The following NFKB1 variants were observed in gnomAD, a reference collection of about 807,000 sequenced individuals.
NFKB1 encodes nuclear factor NF-kappa-B p105 subunit.
NFKB1 carries 9 observed loss-of-function variants against 105.1 expected under a neutral mutation model. The observed-to-expected ratio is 0.09, with a 90% confidence interval of 0.05 to 0.15. NFKB1 has a LOEUF of 0.15. NFKB1 is among the 10% of genes least tolerant of loss of function. NFKB1 has a pLI of 1.00. For synonymous variants in NFKB1, 440 were observed against 442.2 expected, an observed-to-expected ratio of 1.00 and a Z score of 0.06; for missense variants, 830 against 1,203.7, an observed-to-expected ratio of 0.69 and a Z score of 4.59.
At chr4:102,539,673 C>A (rs943452455) in intron 5 of NFKB1, among the ~76,000 whole-genome samples, 2 of 152,148 alleles carry the variant, frequency 1.3e-5, no homozygotes, top group African/African-American at 4.8e-5. Context: ...AACATTATCT[C>A]TTTTAATCTC....
intron 4 of NFKB1, among the ~76,000 whole-genome samples, chr4:102,535,144 C>T (rs540337728): frequency 6.6e-6 from 1 of 152,282 alleles, no homozygotes; most frequent in African/African-American, 2.4e-5. Context: ...AGAAGGTCAT[C>T]AATTCCCAGT....
chr4:102,606,423 C>T, intron 16 of NFKB1, 73 bp from the exon 17 acceptor site: 1 of 1,432,986 alleles, frequency 7.0e-7, no homozygotes. Flanking sequence ...ATTGCAGTAA[C>T]AGCTACCAAG....
At chr4:102,593,083 C>T (rs1264594505) in intron 11 of NFKB1, among the ~76,000 whole-genome samples, 2 of 151,996 alleles carry the variant, frequency 1.3e-5, no homozygotes, top group Admixed American at 6.6e-5. Context: ...TTTGTGTGAC[C>T]AAGCAAAAGG....
At chr4:102,602,948 C>T (rs1002120337) in intron 16 of NFKB1, among the ~76,000 whole-genome samples, 32 of 152,264 alleles carry the variant, frequency 2.1e-4, no homozygotes, top group African/African-American at 6.7e-4. Context: ...TGAATAAAAC[C>T]AGGAATGGGA....
intron 8 of NFKB1, among the ~76,000 whole-genome samples, chr4:102,580,252 C>G (rs1354597201): frequency 1.3e-5 from 2 of 152,182 alleles, no homozygotes; most frequent in East Asian, 3.8e-4. Context: ...CCCAATACAT[C>G]AGAAAAGCTC....
intron 1 of NFKB1, among the ~76,000 whole-genome samples, chr4:102,515,772 A>C (rs1032074367): frequency 6.6e-6 from 1 of 152,126 alleles, no homozygotes; most frequent in Non-Finnish European, 1.5e-5. Context: ...TGAACAGTCA[A>C]TCGTCTGTTT....
intron 1 of NFKB1, among the ~76,000 whole-genome samples, chr4:102,512,751 G>A (rs189754685): frequency 8.8e-4 from 134 of 152,280 alleles, no homozygotes; most frequent in African/African-American, 3.1e-3. Context: ...ATGTGTAATC[G>A]GAAGGCCTTC....
At chr4:102,597,411 T>C (rs767460969) in intron 14 of NFKB1, 109 bp from the exon 15 acceptor site, 36 of 1,130,722 alleles carry the variant, frequency 3.2e-5, no homozygotes, top group Non-Finnish European at 4.3e-5. Context: ...ACTAAAATGA[T>C]ATGTCAAGGT....
chr4:102,568,199 T>G (rs1246011709), intron 6 of NFKB1, among the ~76,000 whole-genome samples: 1 of 152,166 alleles, frequency 6.6e-6, no homozygotes, highest in Non-Finnish European at 1.5e-5. Context: ...TAGGTATTTC[T>G]TTGTTTGACT....
At chr4:102,514,482 C>A (rs1182616103) in intron 1 of NFKB1, among the ~76,000 whole-genome samples, 2 of 152,080 alleles carry the variant, frequency 1.3e-5, no homozygotes, top group Non-Finnish European at 2.9e-5. Context: ...GCATTCCTCC[C>A]CTCTAGAGGA....
chr4:102,540,535 C>T (rs927553608), intron 5 of NFKB1, among the ~76,000 whole-genome samples: 2 of 149,240 alleles, frequency 1.3e-5, no homozygotes, highest in Admixed American at 1.3e-4. Flanking sequence ...TTCACCAAAT[C>T]ATTTATTTTT....
chr4:102,587,689 T>C (rs920034356), intron 11 of NFKB1, among the ~76,000 whole-genome samples: 1 of 152,116 alleles, frequency 6.6e-6, no homozygotes, highest in Non-Finnish European at 1.5e-5. Context: ...ATACAAAGTT[T>C]AAGAACTGTC....
intron 1 of NFKB1, among the ~76,000 whole-genome samples, chr4:102,519,792 G>A (rs182543696): frequency 6.6e-6 from 1 of 152,278 alleles, no homozygotes; most frequent in Non-Finnish European, 1.5e-5. Context: ...ATGAACCTGA[G>A]CAAATGACTT....
At position 102,606,458 on chromosome 4, in the gene NFKB1, C is replaced by T. The variant is rs759896214; in HGVS notation, c.1753-38C>T. The T allele has an allele frequency of 8.1e-6, 13 of 1,600,700 alleles. No individual in the cohort carries two copies. The African/African-American group carries it at 1.7e-4, about 21-fold the overall frequency. ...GCTGTGAGTTGTAAGTAAGTATTCA[C>T]TGCTGACCAGTGAATCTCCTGCCCT... On this transcript the variant is annotated intron_variant, in intron 16 of 23. Transcript: ENST00000226574.
At chr4:102,596,438 T>C (rs2149206877) in intron 14 of NFKB1, 106 bp downstream of exon 14, 2 of 874,876 alleles carry the variant, frequency 2.3e-6, no homozygotes, top group East Asian at 5.6e-5. Flanking sequence ...ATATCTAGTT[T>C]AGTGTACTCT....
At chr4:102,558,744 G>A (rs1723177568) in intron 5 of NFKB1, among the ~76,000 whole-genome samples, 1 of 152,002 alleles carries the variant, frequency 6.6e-6, no homozygotes, top group Admixed American at 6.6e-5. Flanking sequence ...TTGAACTTCT[G>A]GGCTCAAAGG....
intron 4 of NFKB1, among the ~76,000 whole-genome samples, chr4:102,535,988 C>T (rs1009481995): frequency 6.6e-6 from 1 of 151,628 alleles, no homozygotes; most frequent in African/African-American, 2.4e-5. Flanking sequence ...TGAGTCATAG[C>T]ATAGACTACT....
In NFKB1 at chr4:102,613,408, T is replaced by C. The variant is rs772942135; in HGVS notation, c.2593-17T>C. On this transcript the variant is annotated splice_polypyrimidine_tract_variant and intron_variant, in intron 22 of 23. Transcript: ENST00000226574. Reference sequence around the variant, plus strand: ...TCGAACACAAGAACATGCTCCTCCTTCCTTTCTTTCTCACAGGTCTCTGGG... The same window carrying C: ...TCGAACACAAGAACATGCTCCTCCTCCCTTTCTTTCTCACAGGTCTCTGGG... The C allele has an allele frequency of 1.2e-6, 2 of 1,612,036 alleles. No individual in the cohort carries two copies. Among genetic ancestry groups the C allele is most frequent in the South Asian group, 1.1e-5 (1 of 90,966 alleles).
At position 102,612,504 on chromosome 4, in the gene NFKB1, C is replaced by A. The variant is rs755773662; in HGVS notation, c.2490C>A (p.Asp830Glu). Residue 830 changes from aspartate to glutamate, a missense_variant, in exon 22 of 24, where the codon GAC (aspartate) becomes GAA (glutamate). Asp to Glu is a conservative substitution (Grantham distance 45, BLOSUM62 2). Transcript: ENST00000226574. ...AGTTACTAGAAATTCCTGATCCAGACAAAAACTGGGCTACTCTGGCGCAGA... is the reference window on the plus strand; with the variant it reads ...AGTTACTAGAAATTCCTGATCCAGAAAAAAACTGGGCTACTCTGGCGCAGA... Reference protein sequence around the residue: ...LYKLLEIPDPDKNWATLAQKL... With the variant: ...LYKLLEIPDPEKNWATLAQKL... 7 of 1,613,962 alleles carry A rather than the reference C, an allele frequency of 4.3e-6. No homozygotes were observed. The African/African-American group carries it at 9.3e-5, about 22-fold the overall frequency.
Sources: gnomAD v4.1 joint callset for allele counts (sites outside exome capture counted in the v4.1 genomes callset) on GRCh38, gnomAD v4.1.1 for gene constraint, MANE v1.5 for transcripts, NCBI Gene and HGNC (gene_info 2026-07-23, HGNC 2026-07-21) for gene names.